Variants in ZNG1F observed in about 807,000 individuals in gnomAD.
ZNG1F encodes the protein Zn regulated GTPase metalloprotein activator 1F.
the ZNG1F span, chr9:41,132,094 G>T: frequency 6.5e-7 from 1 of 1,549,836 alleles, no homozygotes; most frequent in Non-Finnish European, 8.7e-7. Flanking sequence ...ACGTGACAAA[G>T]ATGAAACATT....
the ZNG1F span, among the ~76,000 whole-genome samples, chr9:41,174,559 C>A: frequency 8.5e-6 from 1 of 117,024 alleles, no homozygotes; most frequent in Non-Finnish European, 1.8e-5. Flanking sequence ...ATTCCATTTC[C>A]ATCTCTCTTG....
At chr9:41,140,947 C>T in the ZNG1F span, among the ~76,000 whole-genome samples, 1 of 151,782 alleles carries the variant, frequency 6.6e-6, no homozygotes, top group South Asian at 2.1e-4. Context: ...GGCTGGTCTA[C>T]AACTCCTGGG....
At chr9:41,201,201 CA>C in the ZNG1F span, among the ~76,000 whole-genome samples, 4 of 146,360 alleles carry the variant, frequency 2.7e-5, no homozygotes, top group African/African-American at 1.0e-4. Flanking sequence ...TAAAAATTAA[CA>C]AAAACATGCT....
the ZNG1F span, chr9:41,164,914 A>G: frequency 7.9e-7 from 1 of 1,271,220 alleles, no homozygotes; most frequent in South Asian, 1.3e-5. Flanking sequence ...CTTATACCTT[A>G]AGTTTCTACA....
At chr9:41,173,982 G>A in the ZNG1F span, among the ~76,000 whole-genome samples, 1 of 148,990 alleles carries the variant, frequency 6.7e-6, no homozygotes, top group African/African-American at 2.5e-5. Flanking sequence ...AGCACTTTGG[G>A]AGGCCAAGGC....
chr9:41,151,421 C>G, the ZNG1F span, among the ~76,000 whole-genome samples: 1 of 150,086 alleles, frequency 6.7e-6, no homozygotes, highest in African/African-American at 2.5e-5. Flanking sequence ...AGTTGGAAAA[C>G]ACTCTGCAGG....
the ZNG1F span, among the ~76,000 whole-genome samples, chr9:41,144,411 C>A: frequency 8.5e-6 from 1 of 117,908 alleles, no homozygotes; most frequent in African/African-American, 3.1e-5. Flanking sequence ...ACCATAAATT[C>A]TATCTCCAAG....
the ZNG1F span, among the ~76,000 whole-genome samples, chr9:41,173,832 C>A: frequency 1.4e-5 from 2 of 145,970 alleles, no homozygotes; most frequent in East Asian, 2.0e-4. Flanking sequence ...ACAAAGATTT[C>A]ATCATTAAAC....
At chr9:41,132,210 G>T in the ZNG1F span, 1 of 1,598,712 alleles carries the variant, frequency 6.3e-7, no homozygotes, top group Non-Finnish European at 8.5e-7. Flanking sequence ...TCAAAACTGT[G>T]AATCCTTTGA....
the ZNG1F span, among the ~76,000 whole-genome samples, chr9:41,138,048 T>TC: frequency 7.2e-6 from 1 of 138,946 alleles, no homozygotes; most frequent in South Asian, 2.5e-4. Context: ...TTTTTTGTTT[T>TC]TTGTTGTTTT....
At chr9:41,165,027 A>G in the ZNG1F span, 8 of 1,588,072 alleles carry the variant, frequency 5.0e-6, 1 homozygote, top group Middle Eastern at 1.8e-4. Flanking sequence ...ATTTCTTTAC[A>G]TCTTCTTCTG....
At chr9:41,196,809 A>C in the ZNG1F span, among the ~76,000 whole-genome samples, 1,103 of 61,472 alleles carry the variant, frequency 0.018, 151 homozygotes, top group African/African-American at 0.037. Flanking sequence ...AAATTCAAAC[A>C]GTAGAAAAGT....
the ZNG1F span, among the ~76,000 whole-genome samples, chr9:41,187,238 T>A: frequency 7.3e-6 from 1 of 136,206 alleles, no homozygotes; most frequent in African/African-American, 2.7e-5. Flanking sequence ...TCTGCCTTCA[T>A]AGAGCTTAGA....
chr9:41,169,934 TC>T, the ZNG1F span, among the ~76,000 whole-genome samples: 1 of 119,856 alleles, frequency 8.3e-6, no homozygotes, highest in Non-Finnish European at 1.7e-5. Context: ...CTATAGGGTG[TC>T]CTTTTCTGCA....
At chr9:41,175,044 GA>G in the ZNG1F span, among the ~76,000 whole-genome samples, 4 of 134,018 alleles carry the variant, frequency 3.0e-5, 1 homozygote, top group Non-Finnish European at 6.4e-5. Context: ...TGACAGCAAG[GA>G]AAGTATTTGA....
the ZNG1F span, among the ~76,000 whole-genome samples, chr9:41,159,212 C>T: frequency 9.3e-5 from 14 of 150,226 alleles, no homozygotes; most frequent in East Asian, 1.2e-3. Context: ...AAACAGGGTG[C>T]ACCAGCCAAT....
At chr9:41,150,317 G>A in the ZNG1F span, among the ~76,000 whole-genome samples, 1 of 150,758 alleles carries the variant, frequency 6.6e-6, no homozygotes, top group Non-Finnish European at 1.5e-5. Context: ...GGCTCGGAGG[G>A]TCCCACGCCC....
chr9:41,134,045 C>T, the ZNG1F span: 1 of 398,842 alleles, frequency 2.5e-6, no homozygotes, highest in Admixed American at 4.3e-5. Context: ...TTCGTGGATT[C>T]TCAGCAATAA....
the ZNG1F span, among the ~76,000 whole-genome samples, chr9:41,154,698 C>A: frequency 6.7e-6 from 1 of 148,980 alleles, no homozygotes; most frequent in Non-Finnish European, 1.5e-5. Context: ...AGAAATAATG[C>A]CGCATATCTA....
Sources: allele counts gnomAD v4.1 joint callset (sites outside exome capture counted in the v4.1 genomes callset), GRCh38; gene constraint gnomAD v4.1.1; transcripts MANE v1.5; gene names NCBI Gene and HGNC (gene_info 2026-07-23, HGNC 2026-07-21).